Variants in SMIM14 observed in about 807,000 individuals in gnomAD.
The protein encoded by SMIM14 is chromosome 4 open reading frame 34.
SMIM14 carries 5 observed loss-of-function variants against 12.6 expected under a neutral mutation model. The observed-to-expected ratio is 0.40, with a 90% CI of 0.21 to 0.83. The LOEUF is 0.83. Ranked by LOEUF, SMIM14 falls within the 40% of genes least tolerant of loss-of-function variation. The probability of loss-of-function intolerance (pLI) is 0.37; values close to 1 mark genes in which losing one functional copy is unlikely to be tolerated. For synonymous variants in SMIM14, 30 were observed against 40.1 expected, an observed-to-expected ratio of 0.75 and a Z score of 0.95; for missense variants, 86 against 119.1, an observed-to-expected ratio of 0.72 and a Z score of 1.29.
intron 1 of SMIM14, among the ~76,000 whole-genome samples, chr4:39,630,208 G>A (rs931388086): frequency 6.6e-6 from 1 of 152,086 alleles, no homozygotes; most frequent in Admixed American, 6.5e-5. Context: ...AGACCAGCCT[G>A]CCAAGGTGGT....
chr4:39,615,272 G>T (rs1368922240), intron 1 of SMIM14, among the ~76,000 whole-genome samples: 1 of 152,040 alleles, frequency 6.6e-6, no homozygotes, highest in Admixed American at 6.6e-5. Context: ...AGCGGGGTGA[G>T]GAGTATACTG....
At chr4:39,638,468 G>A (rs567337106) in intron 1 of SMIM14, 3 of 985,272 alleles carry the variant, frequency 3.0e-6, no homozygotes, top group Non-Finnish European at 3.6e-6. Flanking sequence ...ACCACCCGTG[G>A]CTACCTTGCC....
In SMIM14 at chr4:39,552,165, T is replaced by G; in HGVS notation, c.268-7A>C. 1 of 1,580,010 alleles carries G rather than the reference T, an allele frequency of 6.3e-7. No individual in the cohort carries two copies. The highest frequency in any genetic ancestry group is 8.6e-7 in the Non-Finnish European group (1 of 1,165,768). ...GAGCTGGTGGATCTTGTCCCTGGCA[T>G]TAGAAAGAAATAAATTATTTAATTG... On this transcript the variant is annotated splice_region_variant and splice_polypyrimidine_tract_variant and intron_variant, in intron 4 of 4. Coordinates refer to ENST00000295958, the MANE Select transcript of SMIM14 (RefSeq NM_174921.3).
intron 1 of SMIM14, among the ~76,000 whole-genome samples, chr4:39,611,163 A>C (rs1437868455): frequency 6.6e-6 from 1 of 152,242 alleles, no homozygotes; most frequent in Non-Finnish European, 1.5e-5. Context: ...CAAATAAAAA[A>C]TGGAAGTGTA....
intron 2 of SMIM14, among the ~76,000 whole-genome samples, chr4:39,601,854 G>A (rs1389738828): frequency 4.0e-5 from 6 of 151,772 alleles, no homozygotes; most frequent in African/African-American, 1.5e-4. Flanking sequence ...GGCTAAAGTG[G>A]GAGGATTGCT....
intron 3 of SMIM14, among the ~76,000 whole-genome samples, chr4:39,571,865 C>T (rs911805160): frequency 2.0e-5 from 3 of 151,196 alleles, no homozygotes; most frequent in South Asian, 2.1e-4. Context: ...TGCAGTGGTG[C>T]GATCACAGCT....
At chr4:39,632,027 C>T (rs907585831) in intron 1 of SMIM14, among the ~76,000 whole-genome samples, 1 of 151,856 alleles carries the variant, frequency 6.6e-6, no homozygotes, top group African/African-American at 2.4e-5. Context: ...CATATGTAAG[C>T]CCTACTATAC....
intron 1 of SMIM14, chr4:39,638,441 C>T: frequency 5.1e-6 from 5 of 985,084 alleles, no homozygotes; most frequent in Non-Finnish European, 4.8e-6. Context: ...CGTCGACAAT[C>T]TGATCCTAAA....
chr4:39,634,499 C>G (rs143693587), intron 1 of SMIM14, among the ~76,000 whole-genome samples: 3 of 152,294 alleles, frequency 2.0e-5, no homozygotes, highest in Non-Finnish European at 4.4e-5. Flanking sequence ...ACCTACATAT[C>G]TGAGTTGCTT....
chr4:39,580,607 A>G (rs11727177), intron 2 of SMIM14, among the ~76,000 whole-genome samples: 8,218 of 151,834 alleles, frequency 0.054, 246 homozygotes, highest in Middle Eastern at 0.068. Context: ...GCTTACTGCA[A>G]CCTCTGCCTC....
At chr4:39,559,981 G>T (rs1712217231) in intron 3 of SMIM14, among the ~76,000 whole-genome samples, 1 of 151,830 alleles carries the variant, frequency 6.6e-6, no homozygotes, top group South Asian at 2.1e-4. Context: ...AAATAGCCGG[G>T]TGTGGTGGTG....
At chr4:39,572,488 T>C in intron 2 of SMIM14, 25 bp from the exon 3 acceptor site, 1 of 1,592,840 alleles carries the variant, frequency 6.3e-7, no homozygotes. Flanking sequence ...AAAGGGAAGT[T>C]AGTGATTAGA....
At chr4:39,633,912 G>A (rs1715997789) in intron 1 of SMIM14, among the ~76,000 whole-genome samples, 1 of 152,194 alleles carries the variant, frequency 6.6e-6, no homozygotes. Flanking sequence ...GCAAGACCTA[G>A]GAGTCTTTGC....
intron 3 of SMIM14, among the ~76,000 whole-genome samples, chr4:39,566,639 C>A (rs577174584): frequency 3.2e-4 from 49 of 151,896 alleles, no homozygotes; most frequent in Admixed American, 7.9e-4. Context: ...TCAAGACCAG[C>A]CTCGGCAACA....
chr4:39,589,122 T>C (rs1713928571), intron 2 of SMIM14, among the ~76,000 whole-genome samples: 1 of 152,220 alleles, frequency 6.6e-6, no homozygotes, highest in African/African-American at 2.4e-5. Context: ...AGTCTCGCTC[T>C]GTCACCCAGG....
intron 3 of SMIM14, among the ~76,000 whole-genome samples, chr4:39,569,329 G>A (rs1712743151): frequency 6.6e-6 from 1 of 152,054 alleles, no homozygotes; most frequent in African/African-American, 2.4e-5. Flanking sequence ...TTATATCTGT[G>A]GAATTTGATG....
intron 1 of SMIM14, among the ~76,000 whole-genome samples, chr4:39,619,835 A>T (rs1209087330): frequency 8.0e-6 from 1 of 124,534 alleles, no homozygotes; most frequent in South Asian, 2.3e-4. Context: ...TGTATATATA[A>T]ATGTATATAT....
chr4:39,572,003 C>T (rs1001479114), intron 3 of SMIM14, among the ~76,000 whole-genome samples: 1 of 151,926 alleles, frequency 6.6e-6, no homozygotes, highest in Admixed American at 6.6e-5. Context: ...AGGGTTTCCC[C>T]GTGTTGCCCA....
At chr4:39,557,438 G>A (rs1712076057) in intron 3 of SMIM14, among the ~76,000 whole-genome samples, 1 of 151,962 alleles carries the variant, frequency 6.6e-6, no homozygotes, top group Non-Finnish European at 1.5e-5. Flanking sequence ...AGAATCATTT[G>A]AGAATTTGAT....
Sources: allele counts gnomAD v4.1 joint callset (sites outside exome capture counted in the v4.1 genomes callset), GRCh38; gene constraint gnomAD v4.1.1; transcripts MANE v1.5; gene names NCBI Gene and HGNC (gene_info 2026-07-23, HGNC 2026-07-21).